Variants in OXSR1 observed in about 807,000 individuals in gnomAD.
The protein encoded by OXSR1 is serine/threonine-protein kinase OSR1.
OXSR1 carries 24 observed loss-of-function variants against 79.8 expected under a neutral mutation model. The ratio of observed to expected loss-of-function variants is 0.30; its 90% confidence interval spans 0.22 to 0.42. OXSR1 has a LOEUF of 0.42. Among genes scored for constraint, OXSR1 ranks in the 10% least tolerant of loss-of-function variants. OXSR1 has a pLI of 1.00. For missense variants in OXSR1, 430 were observed against 618.4 expected, an observed-to-expected ratio of 0.70 and a Z score of 3.23; for synonymous variants, 226 against 209.2, an observed-to-expected ratio of 1.08 and a Z score of -0.69.
intron 1 of OXSR1, among the ~76,000 whole-genome samples, chr3:38,173,019 A>G (rs982184761): frequency 1.3e-5 from 2 of 152,186 alleles, no homozygotes; most frequent in African/African-American, 2.4e-5. Flanking sequence ...AGAATATGGC[A>G]AAAGGACAAA....
chr3:38,199,815 G>A (rs536632302), intron 4 of OXSR1, among the ~76,000 whole-genome samples: 14 of 152,248 alleles, frequency 9.2e-5, no homozygotes, highest in African/African-American at 2.4e-4. Context: ...TGGAGAATAC[G>A]TGGTAGATGC....
intron 2 of OXSR1, among the ~76,000 whole-genome samples, chr3:38,187,791 G>T (rs1224657194): frequency 1.3e-5 from 2 of 151,890 alleles, no homozygotes; most frequent in Non-Finnish European, 2.9e-5. Context: ...TCACTCTGTT[G>T]CCCAGGCTGG....
chr3:38,242,619 T>G, intron 11 of OXSR1, 124 bp from the exon 12 acceptor site: 1 of 502,134 alleles, frequency 2.0e-6, no homozygotes, highest in Non-Finnish European at 3.6e-6. Flanking sequence ...GACTTGCTGG[T>G]GAGTTAATAT....
At position 38,236,758 on chromosome 3, in the gene OXSR1, TAGA is replaced by T. The variant is rs1702926561; in HGVS notation, c.952-74_952-72del. 3.1e-6 allele frequency: 4 copies of T among 1,285,878 alleles called. No homozygotes were observed. In the South Asian group the frequency reaches 6.0e-5, roughly 19 times the overall value. 79.7% of individuals were successfully genotyped at this position (1,285,878 alleles called of 1,614,324 possible). A position where few individuals can be genotyped will look rare whatever the true frequency, so the allele number is the denominator to read the frequency against. Reference sequence around the variant, plus strand: ...TTATCTACTTAATGGATTGAAGTGATAGAAGAAGAGAGAAATATGGAGTTTTCT... The same window carrying T: ...TTATCTACTTAATGGATTGAAGTGATAGAAGAGAGAAATATGGAGTTTTCT... On this transcript the variant is annotated intron_variant, in intron 10 of 17. Transcript: ENST00000311806.
intron 8 of OXSR1, among the ~76,000 whole-genome samples, chr3:38,228,518 A>T (rs941885911): frequency 6.6e-6 from 1 of 152,182 alleles, no homozygotes; most frequent in African/African-American, 2.4e-5. Flanking sequence ...ACTAAAGCCA[A>T]TTAAAGATTC....
At chr3:38,165,088 T>G (rs1701409915), upstream of OXSR1, 1 of 152,284 alleles carries the variant, frequency 6.6e-6, no homozygotes, top group Non-Finnish European at 1.5e-5. Flanking sequence ...ACGGAGCTCT[T>G]GAAGGGCTGC....
At chr3:38,215,827 A>G (rs1702471907) in intron 4 of OXSR1, among the ~76,000 whole-genome samples, 1 of 152,170 alleles carries the variant, frequency 6.6e-6, no homozygotes. Flanking sequence ...TGAGGGTCAC[A>G]TTCTTTGGCC....
intron 10 of OXSR1, 80 bp downstream of exon 10, chr3:38,230,510 TTAA>T: frequency 1.1e-6 from 1 of 895,262 alleles, no homozygotes; most frequent in South Asian, 1.4e-5. Flanking sequence ...TAATACATTG[TTAA>T]TAGTATATGA....
chr3:38,204,209 G>A (rs571948605), intron 4 of OXSR1, among the ~76,000 whole-genome samples: 3 of 152,252 alleles, frequency 2.0e-5, no homozygotes, highest in Admixed American at 6.5e-5. Flanking sequence ...AATGCTGCCA[G>A]TCCTAGGACT....
intron 3 of OXSR1, among the ~76,000 whole-genome samples, chr3:38,192,055 G>T (rs1437945317): frequency 6.6e-6 from 1 of 152,162 alleles, no homozygotes; most frequent in African/African-American, 2.4e-5. Flanking sequence ...ATCATCTCCA[G>T]TGGTAGCAAC....
intron 1 of OXSR1, among the ~76,000 whole-genome samples, chr3:38,168,881 G>A (rs988371961): frequency 6.6e-6 from 1 of 152,170 alleles, no homozygotes; most frequent in Non-Finnish European, 1.5e-5. Context: ...AATGGGCATT[G>A]GATTGTTTCT....
intron 5 of OXSR1, among the ~76,000 whole-genome samples, chr3:38,217,929 G>A (rs575687324): frequency 6.6e-6 from 1 of 152,226 alleles, no homozygotes; most frequent in East Asian, 1.9e-4. Context: ...GGTTCATGTT[G>A]TAGTGTCAGA....
At chr3:38,229,778 TC>T in intron 9 of OXSR1, 43 bp downstream of exon 9, 1 of 1,416,998 alleles carries the variant, frequency 7.1e-7, no homozygotes. Context: ...CATAGGATGC[TC>T]CTCAATTACT....
rs1276076090 is a variant in OXSR1 at position 38,165,847 on chromosome 3, G to A, written c.-30G>A. 6.3e-7 allele frequency: 1 copy of A among 1,597,302 alleles called. No homozygotes were observed. The highest frequency in any genetic ancestry group is 8.5e-7 in the Non-Finnish European group (1 of 1,171,608). On this transcript the variant is annotated 5_prime_UTR_variant, in exon 1 of 18. Coordinates refer to ENST00000311806, the MANE Select transcript of OXSR1 (RefSeq NM_005109.3). ...GGAGACGAGCGAGGTCAGCGAGTTT[G>A]AGGGAGGACCGCGAGCCGCTGCCGC...
intron 4 of OXSR1, among the ~76,000 whole-genome samples, chr3:38,209,536 T>G (rs1231687181): frequency 6.6e-6 from 1 of 152,180 alleles, no homozygotes; most frequent in Non-Finnish European, 1.5e-5. Flanking sequence ...AGTGCTGGAA[T>G]TACAGGCATG....
chr3:38,240,346 T>C (rs1289356875), intron 11 of OXSR1, among the ~76,000 whole-genome samples: 1 of 152,120 alleles, frequency 6.6e-6, no homozygotes, highest in African/African-American at 2.4e-5. Context: ...GAAGAAGATA[T>C]ACGCAGGTAC....
At chr3:38,166,045 A>G in intron 1 of OXSR1, 99 bp downstream of exon 1, 1 of 1,070,706 alleles carries the variant, frequency 9.3e-7, no homozygotes, top group East Asian at 2.6e-5. Context: ...CAGCCCTCAT[A>G]GGAATTCGTG....
chr3:38,240,776 T>G (rs9864654), intron 11 of OXSR1, among the ~76,000 whole-genome samples: 1,609 of 151,606 alleles, frequency 0.011, 31 homozygotes, highest in African/African-American at 0.036. Context: ...CTGGGACAAT[T>G]TAACCACCAA....
At chr3:38,217,584 G>T (rs183846764) in intron 5 of OXSR1, among the ~76,000 whole-genome samples, 3 of 152,106 alleles carry the variant, frequency 2.0e-5, no homozygotes, top group Admixed American at 6.5e-5. Context: ...CTGGAGTGCA[G>T]TGGTGCACTC....
Sources: gnomAD v4.1 joint callset for allele counts (sites outside exome capture counted in the v4.1 genomes callset) on GRCh38, gnomAD v4.1.1 for gene constraint, MANE v1.5 for transcripts, NCBI Gene and HGNC (gene_info 2026-07-23, HGNC 2026-07-21) for gene names.